The following MROH9 variants were observed in gnomAD, a reference collection of about 807,000 sequenced individuals.
The protein encoded by MROH9 is maestro heat-like repeat-containing protein family member 9.
A neutral mutation model predicts 98.2 loss-of-function variants in MROH9; 92 were observed. That is an observed-to-expected ratio of 0.94 (90% CI 0.79 to 1.11). The LOEUF (loss-of-function observed/expected upper bound fraction) is 1.11, where lower values mean the gene tolerates loss of function less well. Ranked by LOEUF, MROH9 falls within the 50% of genes most tolerant of loss-of-function variation. The pLI, the probability that MROH9 is intolerant of heterozygous loss-of-function variation, is 0.00. For synonymous variants in MROH9, 397 were observed against 368.9 expected, an observed-to-expected ratio of 1.08 and a Z score of -0.87; for missense variants, 1,057 against 1,014.8, an observed-to-expected ratio of 1.04 and a Z score of -0.57.
At chr1:171,054,868 G>A (rs1653779423) in intron 20 of MROH9, among the ~76,000 whole-genome samples, 2 of 152,116 alleles carry the variant, frequency 1.3e-5, no homozygotes, top group Admixed American at 1.3e-4. Flanking sequence ...TGTTGGTGTG[G>A]ATGTGGTGAA....
intron 5 of MROH9, among the ~76,000 whole-genome samples, chr1:170,960,284 C>T (rs1202601904): frequency 6.6e-6 from 1 of 152,148 alleles, no homozygotes; most frequent in Non-Finnish European, 1.5e-5. Flanking sequence ...GGACTTCTTC[C>T]AAATATTCCT....
chr1:170,985,688 G>A (rs1651104844), intron 9 of MROH9, among the ~76,000 whole-genome samples: 1 of 151,922 alleles, frequency 6.6e-6, no homozygotes, highest in Admixed American at 6.6e-5. Flanking sequence ...ATTAAATCTG[G>A]CTCTCTTAAA....
intron 3 of MROH9, among the ~76,000 whole-genome samples, chr1:170,949,719 T>C (rs1649472790): frequency 6.6e-6 from 1 of 151,990 alleles, no homozygotes; most frequent in South Asian, 2.1e-4. Flanking sequence ...TCCTAGTAAA[T>C]TGAGTTCTTC....
At chr1:171,023,914 C>T (rs995203399) in intron 17 of MROH9, among the ~76,000 whole-genome samples, 7 of 152,110 alleles carry the variant, frequency 4.6e-5, no homozygotes, top group Admixed American at 2.0e-4. Context: ...TGCCTCCCAC[C>T]ACCCTTCAGC....
intron 3 of MROH9, among the ~76,000 whole-genome samples, chr1:170,956,874 G>A (rs1465826662): frequency 6.6e-6 from 1 of 152,022 alleles, no homozygotes; most frequent in African/African-American, 2.4e-5. Context: ...CTCTGGCTAG[G>A]ACTTCCAGTA....
At chr1:171,028,313 G>T (rs778315987) in intron 20 of MROH9, among the ~76,000 whole-genome samples, 6 of 152,112 alleles carry the variant, frequency 3.9e-5, no homozygotes, top group Non-Finnish European at 7.4e-5. Flanking sequence ...TTTTTAGCAG[G>T]TTTGTCGAAA....
chr1:171,028,331 G>A (rs1185537920), intron 20 of MROH9, among the ~76,000 whole-genome samples: 1 of 152,152 alleles, frequency 6.6e-6, no homozygotes, highest in African/African-American at 2.4e-5. Context: ...AAAATCAGAT[G>A]ATTGTAGATG....
At chr1:170,972,007 A>G (rs1650479622) in intron 8 of MROH9, 124 bp downstream of exon 8, 3 of 1,037,066 alleles carry the variant, frequency 2.9e-6, no homozygotes, top group East Asian at 2.4e-5. Context: ...AGTCATGGCT[A>G]TACTTTCTAA....
intron 6 of MROH9, among the ~76,000 whole-genome samples, chr1:170,964,478 A>G (rs1037815153): frequency 6.6e-6 from 1 of 152,066 alleles, no homozygotes; most frequent in Non-Finnish European, 1.5e-5. Flanking sequence ...AATATAGTAG[A>G]CCCTGACAGA....
chr1:170,970,731 T>TGTGTGTGTGTGAGAGA (rs1491154307), intron 7 of MROH9, among the ~76,000 whole-genome samples: 20 of 90,868 alleles, frequency 2.2e-4, no homozygotes, highest in Middle Eastern at 7.7e-3. Context: ...TGTGTGTGTG[T>TGTGTGTGTGTGAGAGA]GAGAGAGAGA....
At chr1:171,010,082 A>C (rs914564476) in intron 15 of MROH9, among the ~76,000 whole-genome samples, 2 of 152,086 alleles carry the variant, frequency 1.3e-5, no homozygotes, top group Non-Finnish European at 2.9e-5. Context: ...ATTTCTCCTA[A>C]TGTTATCCTT....
chr1:170,998,917 ACGGT>A lies in MROH9; in HGVS notation c.1596+644_1596+647del, dbSNP rs1360246326. 70 of 217,994 alleles carry A rather than the reference ACGGT, an allele frequency of 3.2e-4. No individual in the cohort carries two copies. The East Asian group carries it at 0.011, about 33-fold the overall frequency. 13.5% of individuals were successfully genotyped at this position (217,994 alleles called of 1,614,324 possible). On this transcript the variant is annotated intron_variant, in intron 15 of 21. Coordinates refer to ENST00000367759, the MANE Select transcript of MROH9 (RefSeq NM_001163629.2). ...AGGTGATTTCAAACACCATAGGAAA[ACGGT>A]TAATAAATTATGAAAAGCATACTGT...
intron 15 of MROH9, among the ~76,000 whole-genome samples, chr1:171,003,655 G>T (rs1287760865): frequency 6.6e-6 from 1 of 152,176 alleles, no homozygotes; most frequent in East Asian, 1.9e-4. Flanking sequence ...GGTGGAGGGT[G>T]CAATGGACTC....
At chr1:170,943,053 T>G (rs1557866916) in intron 1 of MROH9, among the ~76,000 whole-genome samples, 3 of 152,176 alleles carry the variant, frequency 2.0e-5, no homozygotes, top group African/African-American at 7.2e-5. Context: ...GTAGCCCATC[T>G]TATTCTAATA....
chr1:170,956,600 T>TTG (rs1649770157), intron 3 of MROH9, among the ~76,000 whole-genome samples: 1 of 149,250 alleles, frequency 6.7e-6, no homozygotes, highest in African/African-American at 2.5e-5. Flanking sequence ...TTTTTGTTTT[T>TTG]TTTTTTTTTT....
chr1:170,936,154 AAC>A (rs1273506799), intron 1 of MROH9, among the ~76,000 whole-genome samples: 1 of 152,104 alleles, frequency 6.6e-6, no homozygotes, highest in Non-Finnish European at 1.5e-5. Flanking sequence ...GGATGAGAGA[AAC>A]CACAACTATA....
chr1:170,938,833 G>T (rs563087039), intron 1 of MROH9, among the ~76,000 whole-genome samples: 2 of 152,156 alleles, frequency 1.3e-5, no homozygotes, highest in Non-Finnish European at 2.9e-5. Context: ...GATCACTCTG[G>T]GCCACATCAA....
chr1:171,056,514 G>A (rs1258183856), intron 20 of MROH9, among the ~76,000 whole-genome samples: 2 of 152,206 alleles, frequency 1.3e-5, no homozygotes, highest in African/African-American at 4.8e-5. Flanking sequence ...TCTAGTGGGA[G>A]GAATGGCTGC....
chr1:170,978,381 C>A (rs1412259240), intron 8 of MROH9, among the ~76,000 whole-genome samples: 1 of 152,136 alleles, frequency 6.6e-6, no homozygotes, highest in Non-Finnish European at 1.5e-5. Flanking sequence ...CCTCTGGGAG[C>A]CTCTCCCCAG....
Sources: allele counts gnomAD v4.1 joint callset (sites outside exome capture counted in the v4.1 genomes callset), GRCh38; gene constraint gnomAD v4.1.1; transcripts MANE v1.5; gene names NCBI Gene and HGNC (gene_info 2026-07-23, HGNC 2026-07-21).